Variants in PROP1 observed in about 807,000 individuals in gnomAD.
PROP1 encodes the protein PROP paired-like homeobox 1.
In PROP1, 12 loss-of-function variants were observed where a neutral mutation model predicts 22.3. The ratio of observed to expected loss-of-function variants is 0.54; its 90% CI spans 0.34 to 0.87. The LOEUF is 0.87. Ranked by LOEUF, PROP1 falls within the 40% of genes least tolerant of loss-of-function variation. The pLI, the probability that PROP1 is intolerant of heterozygous loss-of-function variation, is 0.01. For synonymous variants in PROP1, 112 were observed against 116.7 expected (o/e 0.96, Z 0.26); for missense variants, 278 against 295.1 (o/e 0.94, Z 0.43).
In PROP1 at chr5:177,996,093, G is replaced by A. The variant is rs1025842722; in HGVS notation, c.-160C>T. 18 of 676,428 alleles carry A rather than the reference G, an allele frequency of 2.7e-5. No homozygotes were observed. The highest frequency in any genetic ancestry group is 4.7e-5 in the Admixed American group (2 of 42,220). The allele number at this position is 676,428 out of a possible 1,614,324, so 41.9% of individuals were successfully genotyped here. A position where few individuals can be genotyped will look rare whatever the true frequency, so the allele number is the denominator to read the frequency against. On this transcript the variant is annotated 5_prime_UTR_variant, in exon 1 of 3. Coordinates refer to ENST00000308304, the MANE Select transcript of PROP1 (RefSeq NM_006261.5). ...TGTGTAGGTGCAGGCAGCTGTCTCT[G>A]ACTTTTTCACTGTCTTTACTTTTTT...
rs371328809 is a variant in PROP1, at chr5:177,994,363, C to G, written c.110-25G>C. The G allele has an allele frequency of 5.0e-5, 78 of 1,559,208 alleles. No homozygotes were observed. In the African/African-American group the frequency reaches 1.0e-3, roughly 20 times the overall value. ...TCTGAGAACGGAGAGAAGGGAGGGG[C>G]GGCTTCTGAGGAGGACGCTCCTCGG... On this transcript the variant is annotated intron_variant, in intron 1 of 2. Coordinates refer to ENST00000308304, the MANE Select transcript of PROP1 (RefSeq NM_006261.5).
chr5:177,994,486 G>T, intron 1 of PROP1, 148 bp from the exon 2 acceptor site: 1 of 700,380 alleles, frequency 1.4e-6, no homozygotes, highest in Non-Finnish European at 2.4e-6. Context: ...CTCCCAGACT[G>T]GAGTGCAGTG....
chr5:177,994,435 G>A, intron 1 of PROP1, 97 bp from the exon 2 acceptor site: 1 of 1,002,502 alleles, frequency 1.0e-6, no homozygotes, highest in Non-Finnish European at 1.5e-6. Context: ...AGTGCGTCCT[G>A]TGCTGCTCCA....
Position 177,994,961 on chromosome 5 carries a change from G to A in PROP1, c.110-623C>T, listed in dbSNP as rs572214980. On this transcript the variant is annotated intron_variant, in intron 1 of 2. Coordinates refer to ENST00000308304, the MANE Select transcript of PROP1 (RefSeq NM_006261.5). ...GCCAGACACATACCCCTCCATGTAC[G>A]TTCACCCTTCTGGACACACACGACC... is the stretch of plus-strand genomic sequence containing the variant. Among the ~76,000 whole-genome samples the A allele has an allele frequency of 3.0e-4, 45 of 152,190 alleles. 1 individual carries two copies. Among genetic ancestry groups the A allele is most frequent in the South Asian group, 2.7e-3 (13 of 4,814 alleles).
At position 177,994,260 on chromosome 5, in the gene PROP1, C is replaced by T; in HGVS notation, c.188G>A (p.Arg63Lys). The change falls in exon 2 of 3, where the codon AGG (arginine) becomes AAG (lysine). Residue 63 changes from arginine to lysine, a missense_variant. Transcript: ENST00000308304. ...GCGGCGCCGGGAGTGCGGGCGGCCCCTCTGTCCTCCTTGCGGGGAGAACCT... is the reference window on the plus strand; with the variant it reads ...GCGGCGCCGGGAGTGCGGGCGGCCCTTCTGTCCTCCTTGCGGGGAGAACCT... Reference protein sequence around the residue: ...RSRFSPQGGQRGRPHSRRRHR... With the variant: ...RSRFSPQGGQKGRPHSRRRHR... The T allele has an allele frequency of 6.2e-7, 1 of 1,613,932 alleles. No individual in the cohort carries two copies. Among genetic ancestry groups the T allele is most frequent in the Non-Finnish European group, 8.5e-7 (1 of 1,179,876 alleles).
chr5:177,993,148 A>G, intron 2 of PROP1, 101 bp from the exon 3 acceptor site: 1 of 1,029,814 alleles, frequency 9.7e-7, no homozygotes. Flanking sequence ...AGGCTTCTCC[A>G]GCATGGCCAG....
intron 1 of PROP1, 26 bp from the exon 2 acceptor site, chr5:177,994,364 G>A (rs755531191): frequency 9.1e-5 from 141 of 1,555,744 alleles, no homozygotes; most frequent in East Asian, 1.4e-4. Flanking sequence ...AGGGAGGGGC[G>A]GCTTCTGAGG....
Position 177,994,191 on chromosome 5 carries a change from G to A in PROP1, c.257C>T (p.Ser86Leu), listed in dbSNP as rs1755697448. The change falls in exon 2 of 3, where the codon TCA becomes TTA. Residue 86 changes from serine to leucine, a missense_variant. Ser to Leu is a moderately radical substitution (Grantham distance 145). Coordinates refer to ENST00000308304, the MANE Select transcript of PROP1 (RefSeq NM_006261.5). ...FSPVQLEQLESAFGRNQYPDI... is the reference protein window; with the variant it reads ...FSPVQLEQLELAFGRNQYPDI... ...GGGGTACTGGTTCCTCCCAAAGGCT[G>A]ACTCCAGCTGTTCCAACTGCACTGG... 6.2e-7 allele frequency: 1 copy of A among 1,614,164 alleles called. No homozygotes were observed. The highest frequency in any genetic ancestry group is 8.5e-7 in the Non-Finnish European group (1 of 1,180,016).
chr5:177,992,381 C>T lies in PROP1; in HGVS notation c.*328G>A, dbSNP rs1047940957. The T allele has an allele frequency of 4.3e-5, 15 of 352,426 alleles. No homozygotes were observed. The highest frequency in any genetic ancestry group is 1.4e-4 in the African/African-American group (7 of 48,616). 21.8% of individuals were successfully genotyped at this position (352,426 alleles called of 1,614,324 possible). ...AGAAAGAGCTGGGATCTTCTTCAATCGTGATCTCAATTAATGAAGGCCCTC... is the reference window on the plus strand; with the variant it reads ...AGAAAGAGCTGGGATCTTCTTCAATTGTGATCTCAATTAATGAAGGCCCTC... On this transcript the variant is annotated 3_prime_UTR_variant, in exon 3 of 3. Transcript: ENST00000308304.
chr5:177,993,089 T>C (rs749055035), intron 2 of PROP1, 42 bp from the exon 3 acceptor site: 2 of 1,534,546 alleles, frequency 1.3e-6, no homozygotes, highest in African/African-American at 1.4e-5. Context: ...ACACTTGACA[T>C]AGGTGGTGAC....
In PROP1 at chr5:177,992,840, C is replaced by G. The variant is rs746409513; in HGVS notation, c.550G>C (p.Ala184Pro). The G allele has an allele frequency of 4.3e-5, 69 of 1,610,996 alleles. No individual in the cohort carries two copies. Among genetic ancestry groups the G allele is most frequent in the Non-Finnish European group, 2.8e-5 (33 of 1,178,394 alleles). Residue 184 changes from alanine (A) to proline (P), a missense_variant, in exon 3 of 3, where the codon GCC becomes CCC. By Grantham distance (27) the Ala-to-Pro change is conservative. Coordinates refer to ENST00000308304, the MANE Select transcript of PROP1 (RefSeq NM_006261.5). ...ALPSQPSTGG[A>P]FALSHQSEDW... The stretch of plus-strand genomic sequence containing the variant: ...TCAGACTGGTGTGACAAAGCAAAGG[C>G]GCCTCCTGTGGAGGGCTGGGAAGGG...
chr5:177,992,811 G>C lies in PROP1; in HGVS notation c.579C>G (p.Asp193Glu). The C allele has an allele frequency of 1.2e-6, 2 of 1,609,350 alleles. No homozygotes were observed. Among genetic ancestry groups the C allele is most frequent in the Non-Finnish European group, 1.7e-6 (2 of 1,177,830 alleles). ...GGGCTGGGTGCAAGGTAGGGTACCA[G>C]TCCTCAGACTGGTGTGACAAAGCAA... ...GAFALSHQSEDWYPTLHPAPA... is the reference protein window; with the variant it reads ...GAFALSHQSEEWYPTLHPAPA... The change falls in exon 3 of 3, where the codon GAC (aspartate) becomes GAG (glutamate). Residue 193 changes from aspartate to glutamate, a missense_variant. Coordinates refer to ENST00000308304, the MANE Select transcript of PROP1 (RefSeq NM_006261.5).
Position 177,995,866 on chromosome 5 carries a change from G to T in PROP1, c.68C>A (p.Pro23His). Residue 23 changes from proline to histidine, a missense_variant, in exon 1 of 3, where the codon CCT becomes CAT. Transcript: ENST00000308304. ...GGTCCCAGTGGCCGGGTGTCTCTCA[G>T]GCAACAGGTTGCTGCCGACTCGCCC... is the stretch of plus-strand genomic sequence containing the variant. ...KKGRVGSNLLPERHPATGTPT... is the reference protein window; with the variant it reads ...KKGRVGSNLLHERHPATGTPT... The T allele has an allele frequency of 6.2e-7, 1 of 1,614,020 alleles. No individual in the cohort carries two copies.
At chr5:177,993,596 T>G (rs1445484101) in intron 2 of PROP1, among the ~76,000 whole-genome samples, 1 of 151,568 alleles carries the variant, frequency 6.6e-6, no homozygotes, top group Non-Finnish European at 1.5e-5. Context: ...AGTTTTGTTC[T>G]TGTTGCCCAG....
rs368561632 is a variant in PROP1 at position 177,995,854 on chromosome 5, G to A, written c.80C>T (p.Pro27Leu). ...CGTGGTGGTCGGGGTCCCAGTGGCC[G>A]GGTGTCTCTCAGGCAACAGGTTGCT... ...VGSNLLPERH[P>L]ATGTPTTTVD... The change falls in exon 1 of 3, where the codon CCG becomes CTG. Residue 27 changes from proline to leucine, a missense_variant. Pro to Leu is a moderately conservative substitution (Grantham distance 98). Transcript: ENST00000308304. 1.2e-5 allele frequency: 20 copies of A among 1,613,756 alleles called. No individual in the cohort carries two copies. The highest frequency in any genetic ancestry group is 1.1e-4 in the African/African-American group (8 of 74,914).
chr5:177,994,461 A>G, intron 1 of PROP1, 123 bp from the exon 2 acceptor site: 2 of 820,326 alleles, frequency 2.4e-6, no homozygotes, highest in Admixed American at 2.8e-5. Context: ...TTTTTGAGAC[A>G]GAGTCTTGCT....
In PROP1 at chr5:177,994,339, C is replaced by T; in HGVS notation, c.110-1G>A. On this transcript the variant is annotated splice_acceptor_variant, in intron 1 of 2. Coordinates refer to ENST00000308304, the MANE Select transcript of PROP1 (RefSeq NM_006261.5). LOFTEE classifies it high-confidence loss of function. ...CTTCTGCAGGGTGGAGCACTCGAGT[C>T]TGAGAACGGAGAGAAGGGAGGGGCG... The T allele has an allele frequency of 6.3e-7, 1 of 1,588,428 alleles. No homozygotes were observed. Among genetic ancestry groups the T allele is most frequent in the Non-Finnish European group, 8.6e-7 (1 of 1,166,606 alleles).
At position 177,994,134 on chromosome 5, in the gene PROP1, T is replaced by G; in HGVS notation, c.314A>C (p.Asp105Ala). 1 of 1,614,120 alleles carries G rather than the reference T, an allele frequency of 6.2e-7. No individual in the cohort carries two copies. Among genetic ancestry groups the G allele is most frequent in the Non-Finnish European group, 8.5e-7 (1 of 1,180,014 alleles). The change falls in exon 2 of 3, where the codon GAC becomes GCC. Residue 105 changes from aspartate (D) to alanine (A), a missense_variant. Physicochemically the swap from Asp to Ala is moderately radical, Grantham distance 126 (BLOSUM62 -2). Transcript: ENST00000308304. ...DIWARESLAR[D>A]TGLSEARIQV... ...GATTCGGGCCTCACTGAGGCCAGTGTCCCGGGCAAGACTCTCTCGGGCCCA... is the reference window on the plus strand; with the variant it reads ...GATTCGGGCCTCACTGAGGCCAGTGGCCCGGGCAAGACTCTCTCGGGCCCA...
intron 2 of PROP1, 61 bp from the exon 3 acceptor site, chr5:177,993,108 C>T: frequency 7.0e-7 from 1 of 1,423,146 alleles, no homozygotes; most frequent in Non-Finnish European, 9.8e-7. Flanking sequence ...ACACCCTACT[C>T]CAATGACAAG....
Sources: allele counts gnomAD v4.1 joint callset (sites outside exome capture counted in the v4.1 genomes callset), GRCh38; gene constraint gnomAD v4.1.1; transcripts MANE v1.5; gene names NCBI Gene and HGNC (gene_info 2026-07-23, HGNC 2026-07-21).